Variants in WDR24 observed in about 807,000 individuals in gnomAD.
WDR24 encodes the protein GATOR2 complex protein WDR24.
A neutral mutation model predicts 66.7 loss-of-function variants in WDR24; 32 were observed. The observed-to-expected ratio is 0.48, with a 90% CI of 0.36 to 0.64. The LOEUF (loss-of-function observed/expected upper bound fraction) is 0.64. WDR24 is among the 30% of genes least tolerant of loss of function. The probability of loss-of-function intolerance (pLI) is 0.00; values close to 1 mark genes in which losing one functional copy is unlikely to be tolerated. For missense variants in WDR24, 978 were observed against 1,144.1 expected (o/e 0.85, Z 2.09); for synonymous variants, 565 against 469.1 (o/e 1.20, Z -2.64).
intron 5 of WDR24, 27 bp from the exon 6 acceptor site, chr16:685,810 G>C (rs745544333): frequency 1.9e-6 from 3 of 1,613,066 alleles, no homozygotes; most frequent in South Asian, 2.2e-5. Flanking sequence ...CGGGCATTCA[G>C]GGTCGTCTGG....
At position 686,914 on chromosome 16, in the gene WDR24, G is replaced by A; in HGVS notation, c.1162C>T (p.Pro388Ser). Reference sequence around the variant, plus strand: ...GCACTGGAGGCGAGGCCTGCGAAGGGCTCGGCAGGGTCCAGCTTGCGCTTA... The same window carrying A: ...GCACTGGAGGCGAGGCCTGCGAAGGACTCGGCAGGGTCCAGCTTGCGCTTA... Reference protein sequence around the residue: ...FFKRKLDPAEPFAGLASSALS... With the variant: ...FFKRKLDPAESFAGLASSALS... Residue 388 changes from proline to serine, a missense_variant, in exon 3 of 9, where the codon CCC becomes TCC. Physicochemically the swap from Pro to Ser is moderately conservative, Grantham distance 74 (BLOSUM62 -1). Coordinates refer to ENST00000293883, the MANE Select transcript of WDR24 (RefSeq NM_032259.4). 3 of 1,606,940 alleles carry A rather than the reference G, an allele frequency of 1.9e-6. No homozygotes were observed. The highest frequency in any genetic ancestry group is 2.5e-6 in the Non-Finnish European group (3 of 1,179,054).
rs375205983 is a variant in WDR24 at position 684,790 on chromosome 16, G to A, written c.2317C>T (p.Leu773=). Residue 773 remains leucine, a synonymous_variant, in exon 9 of 9, where the codon CTG becomes TTG. Transcript: ENST00000293883. ...GCGGGACAGTGGGAGCTGCCTTCCA[G>A]CCACTTCATGATGTGCTGCAGGTGG... ...GGHLQHIMKW[L]EGSSHCPAGC... is the part of the protein sequence containing the mutation. 7.5e-6 allele frequency: 12 copies of A among 1,593,676 alleles called. No individual in the cohort carries two copies. The highest frequency in any genetic ancestry group is 8.5e-6 in the Non-Finnish European group (10 of 1,171,684).
chr16:688,992 C>T, intron 1 of WDR24, 168 bp downstream of exon 1: 1 of 1,108,838 alleles, frequency 9.0e-7, no homozygotes. Flanking sequence ...ACATGCCGTC[C>T]AGCCCAACTT....
In WDR24 at chr16:686,846, G is replaced by C. The variant is rs932556529; in HGVS notation, c.1230C>G (p.Arg410=). The C allele has an allele frequency of 6.2e-7, 1 of 1,611,278 alleles. No homozygotes were observed. ...FETEPGGGGM[R]WFVDTAERYA... The stretch of plus-strand genomic sequence containing the variant: ...AACGCTCAGCTGTGTCCACAAACCA[G>C]CGCATGCCGCCGCCACCTGGCTCCG... The change falls in exon 3 of 9, where the codon CGC becomes CGG. Residue 410 remains arginine (R), a synonymous_variant. Coordinates refer to ENST00000293883, the MANE Select transcript of WDR24 (RefSeq NM_032259.4).
chr16:685,209 G>C, intron 7 of WDR24, 33 bp from the exon 8 acceptor site: 1 of 1,598,190 alleles, frequency 6.3e-7, no homozygotes, highest in Non-Finnish European at 8.5e-7. Context: ...GTCAGGATCT[G>C]GGTGCCAGGG....
rs749428231 is a variant in WDR24 at position 685,700 on chromosome 16, G to A, written c.1657C>T (p.Leu553=). The change falls in exon 6 of 9, where the codon CTG becomes TTG. Residue 553 remains leucine (L), a synonymous_variant. Coordinates refer to ENST00000293883, the MANE Select transcript of WDR24 (RefSeq NM_032259.4). ...TCACGGTGCGCGTGTTCCGGATCCA[G>A]CAGGTACAGCTCGTCCTCCTCACCT... ...VEGEEDELYL[L]DPEHAHPEDP... 3.8e-5 allele frequency: 62 copies of A among 1,613,076 alleles called. No homozygotes were observed. Among genetic ancestry groups the A allele is most frequent in the Non-Finnish European group, 5.1e-5 (60 of 1,180,022 alleles).
chr16:686,186 C>T lies in WDR24; in HGVS notation c.1333G>A (p.Val445Met). Residue 445 changes from valine to methionine, a missense_variant and splice_region_variant, in exon 4 of 9, where the codon GTG becomes ATG. Transcript: ENST00000293883. Reference protein sequence around the residue: ...KVARELGRNQVAQTWTMLRII... With the variant: ...KVARELGRNQMAQTWTMLRII... The stretch of plus-strand genomic sequence containing the variant: ...CGCAGCATGGTCCACGTTTGCGCCA[C>T]CTAGGGGCGGGCACTGGTCACTTGT... 18 of 1,612,412 alleles carry T rather than the reference C, an allele frequency of 1.1e-5. No individual in the cohort carries two copies. Among genetic ancestry groups the T allele is most frequent in the Non-Finnish European group, 1.5e-5 (18 of 1,179,848 alleles).
chr16:686,789 G>A lies in WDR24; in HGVS notation c.1287C>T (p.Leu429=), dbSNP rs957789410. 9.9e-6 allele frequency: 16 copies of A among 1,610,500 alleles called. No homozygotes were observed. The highest frequency in any genetic ancestry group is 1.3e-5 in the Non-Finnish European group (15 of 1,178,248). ...YALAGRPLAE[L]CDHNAKVARE... ...GAGCCACCTTTGCGTTGTGGTCACA[G>A]AGCTCGGCCAGTGGCCGGCCAGCCA... Residue 429 remains leucine, a synonymous_variant, in exon 3 of 9, where the codon CTC becomes CTT. Transcript: ENST00000293883.
chr16:686,439 G>A (rs11645564), intron 3 of WDR24, among the ~76,000 whole-genome samples: 3,680 of 152,246 alleles, frequency 0.024, 61 homozygotes, highest in South Asian at 0.052. Flanking sequence ...GCATGGGAAC[G>A]GCAGCTCACG....
chr16:684,813 T>G lies in WDR24; in HGVS notation c.2294A>C (p.His765Pro). 1 of 1,566,384 alleles carries G rather than the reference T, an allele frequency of 6.4e-7. No homozygotes were observed. Among genetic ancestry groups the G allele is most frequent in the Non-Finnish European group, 8.6e-7 (1 of 1,157,058 alleles). The change falls in exon 9 of 9, where the codon CAC (histidine) becomes CCC (proline). Residue 765 changes from histidine to proline, a missense_variant. Around this residue, in one of 2 missense-constraint regions of WDR24, gnomAD observed 676 missense variants for 617.5 expected, o/e 1.09. Transcript: ENST00000293883. ...CAGCCACTTCATGATGTGCTGCAGG[T>G]GGCCGCCGTGGCTGCAGCCCTGGCA... Reference protein sequence around the residue: ...VWCQGCSHGGHLQHIMKWLEG... With the variant: ...VWCQGCSHGGPLQHIMKWLEG...
At chr16:688,796 C>T in intron 1 of WDR24, among the ~76,000 whole-genome samples, 1 of 152,248 alleles carries the variant, frequency 6.6e-6, no homozygotes. Context: ...CCTGGAAGTC[C>T]TGGCAGACCT....
chr16:688,444 C>A (rs1467153460), intron 1 of WDR24, among the ~76,000 whole-genome samples: 2 of 152,248 alleles, frequency 1.3e-5, no homozygotes, highest in Admixed American at 6.5e-5. Flanking sequence ...CGTGCCACTG[C>A]GCCCAGCTAA....
intron 7 of WDR24, 26 bp from the exon 8 acceptor site, chr16:685,202 AG>A: frequency 6.3e-7 from 1 of 1,598,252 alleles, no homozygotes; most frequent in Non-Finnish European, 8.5e-7. Context: ...CCCGGCAGTC[AG>A]GATCTGGGTG....
At position 689,096 on chromosome 16, in the gene WDR24, T is replaced by C. The variant is rs780637253; in HGVS notation, c.481+64A>G. On this transcript the variant is annotated intron_variant, in intron 1 of 8. Transcript: ENST00000293883. ...CTGATGCACGGAGCCCTTTTCCGCC[T>C]GCATGGACAGGCTGGGCACCGGCAG... The C allele has an allele frequency of 3.8e-6, 6 of 1,588,216 alleles. No individual in the cohort carries two copies. In the African/African-American group the frequency reaches 8.1e-5, roughly 21 times the overall value.
In WDR24 at chr16:687,153, G is replaced by A; in HGVS notation, c.923C>T (p.Pro308Leu). The stretch of plus-strand genomic sequence containing the variant: ...AGACAGCAGGAAGGAGGGGTCGTGG[G>A]GGTGGCGCCAGGCAATTCCCGTGGT... ...DVTTGIAWRHPHDPSFLLSGS... is the reference protein window; with the variant it reads ...DVTTGIAWRHLHDPSFLLSGS... The change falls in exon 3 of 9, where the codon CCC (proline) becomes CTC (leucine). Residue 308 changes from proline (P) to leucine (L), a missense_variant. Pro to Leu is a moderately conservative substitution (Grantham distance 98). Coordinates refer to ENST00000293883, the MANE Select transcript of WDR24 (RefSeq NM_032259.4). 1 of 1,612,558 alleles carries A rather than the reference G, an allele frequency of 6.2e-7. No individual in the cohort carries two copies. Among genetic ancestry groups the A allele is most frequent in the Non-Finnish European group, 8.5e-7 (1 of 1,179,940 alleles).
At position 685,146 on chromosome 16, in the gene WDR24, G is replaced by A. The variant is rs1441110442; in HGVS notation, c.2050C>T (p.Leu684=). ...ACGTTCCAGAGGCGGAAGCGCTGCAGCAGGTCGATGTAGGAAGTGTACCAG... is the reference window on the plus strand; with the variant it reads ...ACGTTCCAGAGGCGGAAGCGCTGCAACAGGTCGATGTAGGAAGTGTACCAG... ...EHWYTSYIDL[L]QRFRLWNVSN... The change falls in exon 8 of 9, where the codon CTG becomes TTG. Residue 684 remains leucine (L), a synonymous_variant. Transcript: ENST00000293883. The A allele has an allele frequency of 3.2e-6, 5 of 1,569,370 alleles. No individual in the cohort carries two copies. The highest frequency in any genetic ancestry group is 3.5e-6 in the Non-Finnish European group (4 of 1,158,370).
chr16:685,000 G>C lies in WDR24; in HGVS notation c.2196C>G (p.Val732=), dbSNP rs1323263307. The change falls in exon 8 of 9, where the codon GTC becomes GTG. Residue 732 remains valine (V), a synonymous_variant. Coordinates refer to ENST00000293883, the MANE Select transcript of WDR24 (RefSeq NM_032259.4). ...CKRPMSSRGW[V]CDRCHRCASM... is the part of the protein sequence containing the mutation. ...CGACCCCACTGCCCCACCTGTCGCA[G>C]ACCCAGCCCCGGCTGCTCATGGGCC... 1.3e-6 allele frequency: 2 copies of C among 1,547,610 alleles called. No individual in the cohort carries two copies.
chr16:684,983 C>T lies in WDR24; in HGVS notation c.2204+9G>A. The T allele has an allele frequency of 1.3e-6, 2 of 1,542,600 alleles. No individual in the cohort carries two copies. The highest frequency in any genetic ancestry group is 8.7e-7 in the Non-Finnish European group (1 of 1,146,602). On this transcript the variant is annotated intron_variant, in intron 8 of 8. Transcript: ENST00000293883. ...GCCCCTGCCCCACCTCCCGACCCCA[C>T]TGCCCCACCTGTCGCAGACCCAGCC...
chr16:688,013 A>C, intron 1 of WDR24: 1 of 609,580 alleles, frequency 1.6e-6, no homozygotes, highest in Non-Finnish European at 3.1e-6. Context: ...CCATGAGCAA[A>C]GCTGTGGTGC....
Sources: allele counts gnomAD v4.1 joint callset (sites outside exome capture counted in the v4.1 genomes callset), GRCh38; gene constraint gnomAD v4.1.1; regional missense constraint gnomAD v4.1.1; transcripts MANE v1.5; gene names NCBI Gene and HGNC (gene_info 2026-07-23, HGNC 2026-07-21).